Variants in GRAMD1C observed in about 807,000 individuals in gnomAD.
GRAMD1C encodes protein Aster-C.
GRAMD1C carries 89 observed loss-of-function variants against 97.8 expected under a neutral mutation model. The observed-to-expected ratio is 0.91, with a 90% CI of 0.77 to 1.09. GRAMD1C has a LOEUF of 1.09. Among genes scored for constraint, GRAMD1C ranks in the 50% least tolerant of loss-of-function variants. The pLI, the probability that GRAMD1C is intolerant of heterozygous loss-of-function variation, is 0.00. For synonymous variants in GRAMD1C, 256 were observed against 267.0 expected (o/e 0.96, Z 0.40); for missense variants, 740 against 766.4 (o/e 0.97, Z 0.41).
chr3:113,864,908 T>C (rs1934526938), intron 2 of GRAMD1C, among the ~76,000 whole-genome samples: 1 of 152,226 alleles, frequency 6.6e-6, no homozygotes, highest in Admixed American at 6.5e-5. Flanking sequence ...TCAGGTATTG[T>C]AATAGCAACA....
intron 12 of GRAMD1C, 44 bp downstream of exon 12, chr3:113,933,697 T>A (rs1244790269): frequency 3.7e-6 from 5 of 1,368,564 alleles, no homozygotes; most frequent in Non-Finnish European, 5.1e-6. Flanking sequence ...CTAGATTATG[T>A]CCTGGTAATT....
chr3:113,906,688 C>T (rs561946058), intron 8 of GRAMD1C, among the ~76,000 whole-genome samples: 9 of 151,888 alleles, frequency 5.9e-5, no homozygotes, highest in South Asian at 2.1e-4. Context: ...CCTAAGTGTA[C>T]GATGTTTATA....
chr3:113,842,536 T>C (rs1933375913), intron 1 of GRAMD1C, among the ~76,000 whole-genome samples: 1 of 150,054 alleles, frequency 6.7e-6, no homozygotes, highest in East Asian at 1.9e-4. Context: ...TGGAGGTTAC[T>C]GGATATACTT....
chr3:113,891,712 T>TAA (rs34337847), intron 6 of GRAMD1C, among the ~76,000 whole-genome samples: 1 of 142,070 alleles, frequency 7.0e-6, no homozygotes, highest in African/African-American at 2.6e-5. Context: ...ACCCCATTTC[T>TAA]AAAAAAAAAA....
At chr3:113,905,231 G>A (rs1936329163) in intron 8 of GRAMD1C, among the ~76,000 whole-genome samples, 2 of 152,174 alleles carry the variant, frequency 1.3e-5, no homozygotes, top group African/African-American at 4.8e-5. Context: ...CTTCAAGTTG[G>A]TTCCTTTGGC....
chr3:113,835,723 C>T (rs1709621609), upstream of GRAMD1C, among the ~76,000 whole-genome samples: 1 of 152,182 alleles, frequency 6.6e-6, no homozygotes, highest in African/African-American at 2.4e-5. Flanking sequence ...GGGACATAGT[C>T]ATTTCTGTGT....
chr3:113,901,359 T>C (rs1343521384), intron 7 of GRAMD1C, among the ~76,000 whole-genome samples: 1 of 152,214 alleles, frequency 6.6e-6, no homozygotes, highest in African/African-American at 2.4e-5. Context: ...ATGTTGGCTA[T>C]GTCACTTAGG....
At chr3:113,865,683 T>G (rs1410861011) in intron 2 of GRAMD1C, among the ~76,000 whole-genome samples, 2 of 152,212 alleles carry the variant, frequency 1.3e-5, no homozygotes, top group African/African-American at 4.8e-5. Flanking sequence ...CTACCTCATT[T>G]TCTCCTGGGA....
chr3:113,851,063 A>G (rs1023990950), intron 2 of GRAMD1C, among the ~76,000 whole-genome samples: 3 of 152,122 alleles, frequency 2.0e-5, no homozygotes, highest in African/African-American at 7.2e-5. Flanking sequence ...CGGCCTCCCA[A>G]AGTGCTGGGA....
At chr3:113,882,705 T>G in intron 5 of GRAMD1C, 47 bp from the exon 6 acceptor site, 1 of 1,118,920 alleles carries the variant, frequency 8.9e-7, no homozygotes, top group Non-Finnish European at 1.4e-6. Flanking sequence ...GATAATCTGC[T>G]TTTATTTTCC....
chr3:113,928,022 G>T (rs970021882), intron 10 of GRAMD1C, among the ~76,000 whole-genome samples: 15 of 152,140 alleles, frequency 9.9e-5, no homozygotes, highest in African/African-American at 3.1e-4. Context: ...GGGAACCAGG[G>T]AATTCTCCCA....
intron 6 of GRAMD1C, among the ~76,000 whole-genome samples, chr3:113,890,018 G>A (rs1314486164): frequency 6.6e-6 from 1 of 152,164 alleles, no homozygotes; most frequent in Non-Finnish European, 1.5e-5. Flanking sequence ...CCTTCCTGAA[G>A]TGGACAGACA....
intron 6 of GRAMD1C, among the ~76,000 whole-genome samples, chr3:113,884,564 G>A: frequency 6.6e-6 from 1 of 152,182 alleles, no homozygotes; most frequent in Middle Eastern, 3.2e-3. Flanking sequence ...CGGGCGCGGT[G>A]GCTCACACCT....
intron 6 of GRAMD1C, chr3:113,885,280 G>C: frequency 7.0e-7 from 1 of 1,421,308 alleles, no homozygotes; most frequent in South Asian, 1.2e-5. Flanking sequence ...CGGGGCCGGC[G>C]GTGCCGGGGT....
chr3:113,838,692 C>T (rs2108063834), upstream of GRAMD1C: 1 of 370,438 alleles, frequency 2.7e-6, no homozygotes. Context: ...CTCATTGTGA[C>T]CCCTAGAAAG....
intron 14 of GRAMD1C, 107 bp downstream of exon 14, chr3:113,936,549 C>T: frequency 4.6e-6 from 3 of 654,980 alleles, no homozygotes; most frequent in Middle Eastern, 2.7e-4. Flanking sequence ...CTTTTCTTCC[C>T]TCCTTTTTGG....
chr3:113,852,029 C>T (rs1303378449), intron 2 of GRAMD1C, among the ~76,000 whole-genome samples: 2 of 152,080 alleles, frequency 1.3e-5, no homozygotes, highest in African/African-American at 2.4e-5. Flanking sequence ...CCACCACTCC[C>T]GGCCTATTCT....
At chr3:113,868,866 T>C (rs1934684659) in intron 2 of GRAMD1C, among the ~76,000 whole-genome samples, 1 of 152,160 alleles carries the variant, frequency 6.6e-6, no homozygotes, top group Non-Finnish European at 1.5e-5. Flanking sequence ...GTGACTAGTT[T>C]ATCAGGCCCA....
chr3:113,870,873 T>C (rs1934775240), intron 3 of GRAMD1C, among the ~76,000 whole-genome samples: 2 of 151,048 alleles, frequency 1.3e-5, no homozygotes. Context: ...TCCCAGCACT[T>C]TGGGAGGCTG....
Sources: allele counts gnomAD v4.1 joint callset (sites outside exome capture counted in the v4.1 genomes callset), GRCh38; gene constraint gnomAD v4.1.1; transcripts MANE v1.5; gene names NCBI Gene and HGNC (gene_info 2026-07-23, HGNC 2026-07-21).